OSBPL10: variants seen among roughly 807,000 people sequenced by gnomAD.
The protein encoded by OSBPL10 is oxysterol-binding protein-related protein 10.
A neutral mutation model predicts 81.7 loss-of-function variants in OSBPL10; 49 were observed. The observed-to-expected ratio is 0.60, with a 90% CI of 0.48 to 0.76. The LOEUF is 0.76. Among genes scored for constraint, OSBPL10 ranks in the 30% least tolerant of loss-of-function variants. The pLI, the probability that OSBPL10 is intolerant of heterozygous loss-of-function variation, is 0.00. For synonymous variants in OSBPL10, 419 were observed against 383.6 expected (o/e 1.09, Z -1.08); for missense variants, 923 against 987.8 (o/e 0.93, Z 0.88).
chr3:31,948,151 T>C (rs187314644), intron 1 of OSBPL10, among the ~76,000 whole-genome samples: 160 of 152,186 alleles, frequency 1.1e-3, no homozygotes, highest in African/African-American at 3.7e-3. Context: ...CCTCAATTAG[T>C]CAAGGGCTGG....
intron 2 of OSBPL10, among the ~76,000 whole-genome samples, chr3:32,010,847 G>C (rs1329383688): frequency 4.6e-5 from 7 of 152,216 alleles, no homozygotes; most frequent in Non-Finnish European, 7.3e-5. Context: ...CTCATTGCTA[G>C]CACAGCAGTC....
intron 1 of OSBPL10, among the ~76,000 whole-genome samples, chr3:31,935,813 C>A (rs1697368642): frequency 1.3e-5 from 2 of 152,092 alleles, no homozygotes; most frequent in Admixed American, 1.3e-4. Context: ...TGAGCCACCG[C>A]ACCCGGCCAA....
At chr3:32,069,450 C>T (rs1335821761) in intron 1 of OSBPL10, among the ~76,000 whole-genome samples, 2 of 152,076 alleles carry the variant, frequency 1.3e-5, no homozygotes, top group African/African-American at 4.8e-5. Flanking sequence ...TAAAAGGCAG[C>T]TTATAAGCTG....
chr3:31,838,206 C>A (rs747588828), intron 3 of OSBPL10, among the ~76,000 whole-genome samples: 1 of 152,096 alleles, frequency 6.6e-6, no homozygotes, highest in Non-Finnish European at 1.5e-5. Flanking sequence ...GTCCCCTCCC[C>A]GCTAAAAAAG....
rs1700083025 is a variant in OSBPL10, at chr3:31,662,044, T to C, written c.*28A>G. ...TAATATTCCTACAAAAACAGGGCTA[T>C]ACTGGAAAGCTCTGCACCTCCACCC... is the stretch of plus-strand genomic sequence containing the variant. On this transcript the variant is annotated 3_prime_UTR_variant, in exon 12 of 12. Coordinates refer to ENST00000396556, the MANE Select transcript of OSBPL10 (RefSeq NM_017784.5). 2 of 1,612,972 alleles carry C rather than the reference T, an allele frequency of 1.2e-6. No homozygotes were observed. The highest frequency in any genetic ancestry group is 4.5e-5 in the East Asian group (2 of 44,838).
intron 1 of OSBPL10, among the ~76,000 whole-genome samples, chr3:31,944,968 T>C (rs546945493): frequency 6.3e-5 from 9 of 141,950 alleles, no homozygotes; most frequent in Middle Eastern, 4.3e-3. Context: ...CTGGCCAACA[T>C]AGTGAAACCC....
chr3:31,913,819 C>T (rs1008423284), intron 1 of OSBPL10, among the ~76,000 whole-genome samples: 1 of 152,194 alleles, frequency 6.6e-6, no homozygotes, highest in Admixed American at 6.5e-5. Context: ...ATCTCTAACC[C>T]ACCAAAATCT....
chr3:31,833,120 G>T (rs1700286112), intron 3 of OSBPL10, among the ~76,000 whole-genome samples: 1 of 152,156 alleles, frequency 6.6e-6, no homozygotes, highest in Non-Finnish European at 1.5e-5. Context: ...GGAGAAAGAG[G>T]ATATTTCTTT....
At chr3:31,876,096 A>C (rs1422850809) in intron 3 of OSBPL10, among the ~76,000 whole-genome samples, 1 of 152,084 alleles carries the variant, frequency 6.6e-6, no homozygotes, top group East Asian at 1.9e-4. Context: ...TAGATTTACG[A>C]ACTGTAAATC....
intron 6 of OSBPL10, among the ~76,000 whole-genome samples, chr3:31,722,828 C>T (rs1291549501): frequency 6.6e-6 from 1 of 152,054 alleles, no homozygotes; most frequent in African/African-American, 2.4e-5. Flanking sequence ...GGGCTAAATA[C>T]ATTTGCTGTA....
At position 31,989,832 on chromosome 3, in the gene OSBPL10, CTATT is replaced by C. The variant is rs773556438; in HGVS notation, n.298+56655_298+56658del. On this transcript the variant is annotated intron_variant and non_coding_transcript_variant, in intron 2 of 3. Transcript: ENST00000479173. ...CACTCTTAAGGAAACATCAGATAAT[CTATT>C]TAGGAGGGAAACAATATAAATGTGA... 8 of 1,614,002 alleles carry C rather than the reference CTATT, an allele frequency of 5.0e-6. No individual in the cohort carries two copies. In the African/African-American group the frequency reaches 9.3e-5, roughly 19 times the overall value.
chr3:31,773,137 A>C (rs1208302138), intron 4 of OSBPL10, among the ~76,000 whole-genome samples: 1 of 152,100 alleles, frequency 6.6e-6, no homozygotes, highest in Non-Finnish European at 1.5e-5. Flanking sequence ...CCAAAGTTTC[A>C]TATGCACTAT....
chr3:31,817,560 A>ACCCGCACCCG (rs74838898), intron 4 of OSBPL10, among the ~76,000 whole-genome samples: 2 of 151,670 alleles, frequency 1.3e-5, no homozygotes, highest in Admixed American at 6.6e-5. Context: ...AGCTGCACCC[A>ACCCGCACCCG]CACCCACACC....
intron 4 of OSBPL10, among the ~76,000 whole-genome samples, chr3:31,819,280 C>A (rs1435135728): frequency 3.9e-5 from 6 of 152,230 alleles, no homozygotes; most frequent in African/African-American, 7.2e-5. Context: ...CTCTCTGAGA[C>A]CTCAGTTTGA....
chr3:31,980,984 A>G lies in OSBPL10; in HGVS notation c.196T>C (p.Ser66Pro). Reference protein sequence around the residue: ...SSPGSVAASPSGGGGRRREPA... With the variant: ...SSPGSVAASPPGGGGRRREPA... The stretch of plus-strand genomic sequence containing the variant: ...TCCCTCCTGCGGCCGCCTCCCCCGG[A>G]CGGGCTAGCGGCCACAGAGCCCGGG... Residue 66 changes from serine to proline, a missense_variant, in exon 1 of 12, where the codon TCC becomes CCC. By Grantham distance (74) the Ser-to-Pro change is moderately conservative (BLOSUM62 -1). Coordinates refer to ENST00000396556, the MANE Select transcript of OSBPL10 (RefSeq NM_017784.5). 1 of 1,551,672 alleles carries G rather than the reference A, an allele frequency of 6.4e-7. No homozygotes were observed. The highest frequency in any genetic ancestry group is 1.2e-5 in the South Asian group (1 of 84,902).
intron 1 of OSBPL10, among the ~76,000 whole-genome samples, chr3:32,049,300 G>A (rs548838118): frequency 1.3e-5 from 2 of 152,258 alleles, no homozygotes; most frequent in Admixed American, 1.3e-4. Context: ...TGGATCAGGA[G>A]CCCTTTTTAG....
intron 5 of OSBPL10, among the ~76,000 whole-genome samples, chr3:31,739,920 C>A (rs1177946166): frequency 1.3e-5 from 2 of 152,192 alleles, no homozygotes; most frequent in Non-Finnish European, 2.9e-5. Flanking sequence ...CTTATCTTAA[C>A]TACTGAACTT....
At chr3:31,914,559 T>C (rs1229917360) in intron 1 of OSBPL10, among the ~76,000 whole-genome samples, 1 of 152,152 alleles carries the variant, frequency 6.6e-6, no homozygotes, top group East Asian at 1.9e-4. Context: ...AGCAAAAATA[T>C]ATCCAAGATG....
chr3:31,727,393 GA>G (rs11349085), intron 6 of OSBPL10, among the ~76,000 whole-genome samples: 14,660 of 144,018 alleles, frequency 0.1, 1,747 homozygotes, highest in African/African-American at 0.29. Flanking sequence ...TGATTCAAAG[GA>G]AAAAAAAAAA....
Sources: allele counts gnomAD v4.1 joint callset (sites outside exome capture counted in the v4.1 genomes callset), GRCh38; gene constraint gnomAD v4.1.1; transcripts MANE v1.5; gene names NCBI Gene and HGNC (gene_info 2026-07-23, HGNC 2026-07-21).